The following SUSD4 variants were observed in gnomAD, a reference collection of about 807,000 sequenced individuals.
SUSD4 encodes the protein sushi domain-containing protein 4.
A neutral mutation model predicts 50.5 loss-of-function variants in SUSD4; 41 were observed. The observed-to-expected ratio is 0.81, with a 90% CI of 0.63 to 1.05. The LOEUF is 1.05. SUSD4 is among the 50% of genes least tolerant of loss of function. SUSD4 has a pLI of 0.00. For synonymous variants in SUSD4, 257 were observed against 257.3 expected (o/e 1.00, Z 0.01); for missense variants, 580 against 634.7 (o/e 0.91, Z 0.93).
At chr1:223,349,106 CT>C (rs1668206961) in intron 2 of SUSD4, among the ~76,000 whole-genome samples, 3 of 152,198 alleles carry the variant, frequency 2.0e-5, no homozygotes, top group Admixed American at 2.0e-4. Context: ...TAACATGGGC[CT>C]GTTAGAATGG....
At chr1:223,316,610 G>C (rs1255162059) in intron 2 of SUSD4, among the ~76,000 whole-genome samples, 1 of 152,156 alleles carries the variant, frequency 6.6e-6, no homozygotes, top group East Asian at 1.9e-4. Context: ...CCATTCAAAA[G>C]GACTTCTGCC....
Position 223,221,430 on chromosome 1 carries a change from A to G in SUSD4, c.*762T>C, listed in dbSNP as rs893649454. 8.8e-5 allele frequency: 20 copies of G among 226,540 alleles called. No homozygotes were observed. The highest frequency in any genetic ancestry group is 1.6e-4 in the Non-Finnish European group (19 of 116,904). 14.0% of individuals were successfully genotyped at this position (226,540 alleles called of 1,614,324 possible). ...ATTCTGACCATGTGTAAAAACCACC[A>G]GATTTACCCAATGCCATGGATCCAT... On this transcript the variant is annotated 3_prime_UTR_variant, in exon 9 of 9. Coordinates refer to ENST00000366878, the MANE Select transcript of SUSD4 (RefSeq NM_017982.4).
At chr1:223,338,175 C>A (rs747867794) in intron 2 of SUSD4, among the ~76,000 whole-genome samples, 1 of 152,196 alleles carries the variant, frequency 6.6e-6, no homozygotes, top group African/African-American at 2.4e-5. Flanking sequence ...AATAGAGACA[C>A]AAATTAACCA....
intron 2 of SUSD4, among the ~76,000 whole-genome samples, chr1:223,361,685 A>G (rs1668989082): frequency 6.6e-6 from 1 of 152,198 alleles, no homozygotes; most frequent in Admixed American, 6.5e-5. Flanking sequence ...AGTCAAGACA[A>G]ATGTAAATGA....
chr1:223,317,653 T>G (rs1045362392), intron 2 of SUSD4, among the ~76,000 whole-genome samples: 1 of 152,236 alleles, frequency 6.6e-6, no homozygotes, highest in South Asian at 2.1e-4. Context: ...CTCAAGAAAC[T>G]TGGGTAAATG....
intron 2 of SUSD4, among the ~76,000 whole-genome samples, chr1:223,347,883 C>G (rs1262781544): frequency 6.6e-6 from 1 of 151,870 alleles, no homozygotes; most frequent in African/African-American, 2.4e-5. Flanking sequence ...TATAGAGAAG[C>G]CCCATCTGAG....
At chr1:223,326,593 C>T (rs1322251591) in intron 2 of SUSD4, among the ~76,000 whole-genome samples, 1 of 151,914 alleles carries the variant, frequency 6.6e-6, no homozygotes, top group Admixed American at 6.6e-5. Context: ...TTGCAAACTA[C>T]GCATCTGACA....
In SUSD4 at chr1:223,254,307, C is replaced by T. The variant is rs553446022; in HGVS notation, c.724+10323G>A. On this transcript the variant is annotated intron_variant, in intron 5 of 8. Transcript: ENST00000366878. ...CAATGAAGCTGTCAGCTTTCTTTCC[C>T]CTTTGGTGGGAGAAGAATCACCTCT... Among the ~76,000 whole-genome samples the T allele has an allele frequency of 6.6e-5, 10 of 152,216 alleles. No individual in the cohort carries two copies. The East Asian group carries it at 1.9e-3, about 29-fold the overall frequency.
intron 5 of SUSD4, among the ~76,000 whole-genome samples, chr1:223,245,904 G>C (rs1660893934): frequency 6.6e-6 from 1 of 152,194 alleles, no homozygotes; most frequent in African/African-American, 2.4e-5. Context: ...GACTATGCTA[G>C]GTTTTTGTTG....
At chr1:223,224,367 G>A (rs1659350209) in intron 7 of SUSD4, among the ~76,000 whole-genome samples, 1 of 152,032 alleles carries the variant, frequency 6.6e-6, no homozygotes, top group African/African-American at 2.4e-5. Context: ...ACAAAAAACA[G>A]TAACTGTGGA....
intron 2 of SUSD4, among the ~76,000 whole-genome samples, chr1:223,363,013 G>C (rs1438744356): frequency 1.4e-5 from 2 of 138,818 alleles, no homozygotes; most frequent in Non-Finnish European, 3.0e-5. Context: ...TCTTTCCTTG[G>C]GAGAAGCCAG....
intron 3 of SUSD4, among the ~76,000 whole-genome samples, chr1:223,272,857 G>A (rs927744874): frequency 6.6e-6 from 1 of 152,204 alleles, no homozygotes; most frequent in Non-Finnish European, 1.5e-5. Flanking sequence ...TGTCCTGGGT[G>A]CTGGGGATAA....
chr1:223,307,747 G>T (rs1665630725), intron 2 of SUSD4, among the ~76,000 whole-genome samples: 2 of 152,190 alleles, frequency 1.3e-5, no homozygotes, highest in South Asian at 4.1e-4. Flanking sequence ...GTTATCCACG[G>T]TGCTGGTGAC....
intron 5 of SUSD4, chr1:223,263,480 G>T: frequency 1.1e-6 from 1 of 881,548 alleles, no homozygotes; most frequent in Non-Finnish European, 1.4e-6. Context: ...ATTTTATCTG[G>T]CATCTCTAGG....
intron 7 of SUSD4, among the ~76,000 whole-genome samples, 160 bp from the exon 8 acceptor site, chr1:223,223,791 C>T (rs1226179043): frequency 6.6e-6 from 1 of 152,222 alleles, no homozygotes; most frequent in Non-Finnish European, 1.5e-5. Context: ...TTCAGGGACT[C>T]CTCTGGAAGA....
In SUSD4 at chr1:223,234,893, A is replaced by C. The variant is rs1438361990; in HGVS notation, c.725-5505T>G. On this transcript the variant is annotated intron_variant, in intron 5 of 8. Transcript: ENST00000366878. Reference sequence around the variant, plus strand: ...AGGTGTGCAGATCATGGTGAAATACAGTATAGGATAAAAATGGAATGTTTA... The same window carrying C: ...AGGTGTGCAGATCATGGTGAAATACCGTATAGGATAAAAATGGAATGTTTA... The C allele has an allele frequency of 7.2e-6, 11 of 1,524,916 alleles. No homozygotes were observed. In the African/African-American group the frequency reaches 8.5e-5, roughly 12 times the overall value. 94.5% of individuals were successfully genotyped at this position (1,524,916 alleles called of 1,614,324 possible).
At chr1:223,236,078 C>G (rs1558169332) in intron 5 of SUSD4, among the ~76,000 whole-genome samples, 1 of 152,142 alleles carries the variant, frequency 6.6e-6, no homozygotes, top group Non-Finnish European at 1.5e-5. Context: ...AGTGATCTCT[C>G]TTGTTTTAAT....
At chr1:223,316,046 A>T (rs372214548) in intron 2 of SUSD4, among the ~76,000 whole-genome samples, 33 of 152,260 alleles carry the variant, frequency 2.2e-4, no homozygotes, top group African/African-American at 7.2e-4. Context: ...CCACCCATGG[A>T]AAGTGGCTCA....
At chr1:223,324,938 C>T (rs1666787877) in intron 2 of SUSD4, among the ~76,000 whole-genome samples, 2 of 152,080 alleles carry the variant, frequency 1.3e-5, no homozygotes, top group Non-Finnish European at 2.9e-5. Flanking sequence ...GATCAATGCA[C>T]CGTACTCCAG....
Sources: allele counts gnomAD v4.1 joint callset (sites outside exome capture counted in the v4.1 genomes callset), GRCh38; gene constraint gnomAD v4.1.1; transcripts MANE v1.5; gene names NCBI Gene and HGNC (gene_info 2026-07-23, HGNC 2026-07-21).